The following CSMD1 variants were observed in gnomAD, a reference collection of about 807,000 sequenced individuals.
CSMD1 encodes the protein CUB and sushi domain-containing protein 1.
A neutral mutation model predicts 417.5 loss-of-function variants in CSMD1; 213 were observed. The ratio of observed to expected loss-of-function variants is 0.51; its 90% confidence interval spans 0.46 to 0.57. The LOEUF is 0.57. CSMD1 is among the 20% of genes least tolerant of loss of function. The probability of loss-of-function intolerance (pLI) is 0.00; values close to 1 mark genes in which losing one functional copy is unlikely to be tolerated. For missense variants in CSMD1, 6,923 were observed against 4,529.7 expected (o/e 1.53, Z -15.17); for synonymous variants, 2,862 against 1,736.8 (o/e 1.65, Z -16.11).
In CSMD1 at chr8:3,408,086, A is replaced by G. The variant is rs1812462694; in HGVS notation, c.1884T>C (p.Asp628=). 6.2e-7 allele frequency: 1 copy of G among 1,613,984 alleles called. No individual in the cohort carries two copies. The highest frequency in any genetic ancestry group is 1.7e-5 in the Admixed American group (1 of 60,008). ...PGSRIHLIFN[D]FDVEPQFDFL... is the part of the protein sequence containing the mutation. ...AGTCAAACTGAGGCTCAACATCAAA[A>G]TCATTAAAGATTAGGTGAATTCGAC... The change falls in exon 14 of 70, where the codon GAT becomes GAC. Residue 628 remains aspartate (D), a synonymous_variant. Coordinates refer to ENST00000635120, the MANE Select transcript of CSMD1 (RefSeq NM_033225.6).
chr8:3,085,006 A>T (rs2129005188), intron 49 of CSMD1, among the ~76,000 whole-genome samples: 1 of 152,214 alleles, frequency 6.6e-6, no homozygotes, highest in South Asian at 2.1e-4. Flanking sequence ...TGACTAAAAG[A>T]AGTCTTGCAC....
At chr8:4,955,937 A>C (rs11782341) in intron 1 of CSMD1, among the ~76,000 whole-genome samples, 1 of 152,048 alleles carries the variant, frequency 6.6e-6, no homozygotes, top group African/African-American at 2.4e-5. Flanking sequence ...GGCGATTCAG[A>C]TGAATGGCTG....
intron 3 of CSMD1, among the ~76,000 whole-genome samples, chr8:4,159,915 A>G (rs534272471): frequency 6.6e-6 from 1 of 152,112 alleles, no homozygotes; most frequent in Non-Finnish European, 1.5e-5. Context: ...TAAGAATGAT[A>G]TAAAAAACTT....
At chr8:3,919,977 C>A (rs775529514) in intron 5 of CSMD1, among the ~76,000 whole-genome samples, 5 of 151,528 alleles carry the variant, frequency 3.3e-5, no homozygotes, top group Non-Finnish European at 5.9e-5. Context: ...AGTGTGTAAT[C>A]TGTGAATATA....
chr8:4,848,281 T>C (rs1328283046), intron 1 of CSMD1, among the ~76,000 whole-genome samples: 2 of 152,224 alleles, frequency 1.3e-5, no homozygotes, highest in African/African-American at 4.8e-5. Flanking sequence ...GACATAAACA[T>C]TGTTGTACCA....
At position 4,527,108 on chromosome 8, in the gene CSMD1, A is replaced by T. The variant is rs190610399; in HGVS notation, c.303-107043T>A. ...TTTTCAGAAGCTTCGGAGGATTCTA[A>T]CTTGCTTTTACTTAAGATATTTTTC... is the stretch of plus-strand genomic sequence containing the variant. On this transcript the variant is annotated intron_variant, in intron 2 of 69. Coordinates refer to ENST00000635120, the MANE Select transcript of CSMD1 (RefSeq NM_033225.6). Among the ~76,000 whole-genome samples the T allele has an allele frequency of 1.7e-3, 264 of 152,300 alleles. 9 individuals are homozygous for T. The highest frequency in any genetic ancestry group is 2.1e-3 in the Non-Finnish European group (145 of 68,028).
In CSMD1 at chr8:4,010,460, C is replaced by T. The variant is rs556001460; in HGVS notation, c.611-12350G>A. 1.1e-3 allele frequency among the ~76,000 whole-genome samples: 162 copies of T among 152,242 alleles called. 1 individual carries two copies. Among genetic ancestry groups the T allele is most frequent in the African/African-American group, 3.7e-3 (152 of 41,532 alleles). On this transcript the variant is annotated intron_variant, in intron 4 of 69. Transcript: ENST00000635120. ...ACAGGTAATCCTGGGAAAAACATAACCTCTTTGATTAATTCTCCCCTCTCT... is the reference window on the plus strand; with the variant it reads ...ACAGGTAATCCTGGGAAAAACATAATCTCTTTGATTAATTCTCCCCTCTCT...
chr8:4,501,908 T>C (rs1802277098), intron 2 of CSMD1, among the ~76,000 whole-genome samples: 1 of 152,284 alleles, frequency 6.6e-6, no homozygotes. Flanking sequence ...ATGAGGAATC[T>C]ACTGGGGGTT....
At chr8:4,545,774 CA>C (rs1273293097) in intron 2 of CSMD1, among the ~76,000 whole-genome samples, 1 of 152,196 alleles carries the variant, frequency 6.6e-6, no homozygotes, top group Non-Finnish European at 1.5e-5. Flanking sequence ...TACCTGGAAT[CA>C]TGCACCATGT....
At chr8:3,031,579 T>A (rs1339851795) in intron 50 of CSMD1, among the ~76,000 whole-genome samples, 1 of 152,078 alleles carries the variant, frequency 6.6e-6, no homozygotes, top group East Asian at 1.9e-4. Context: ...CCTTGTTGTT[T>A]TATACAGACT....
At chr8:3,581,868 G>A (rs193094341) in intron 9 of CSMD1, among the ~76,000 whole-genome samples, 33 of 152,144 alleles carry the variant, frequency 2.2e-4, no homozygotes, top group Non-Finnish European at 1.5e-4. Flanking sequence ...ATAGTGGCAC[G>A]ATCTCTGCTT....
At chr8:3,056,525 C>T (rs145083018) in intron 49 of CSMD1, among the ~76,000 whole-genome samples, 10 of 152,136 alleles carry the variant, frequency 6.6e-5, no homozygotes, top group South Asian at 2.1e-4. Context: ...CAGGCCACCA[C>T]GCCTGGCTAT....
intron 18 of CSMD1, 21 bp from the exon 19 acceptor site, chr8:3,369,391 T>A (rs753338880): frequency 3.3e-6 from 4 of 1,196,958 alleles, no homozygotes; most frequent in Middle Eastern, 1.9e-4. Flanking sequence ...TAAAGAGAGA[T>A]GATTACAGCA....
At chr8:3,422,088 T>C (rs1813527516) in intron 12 of CSMD1, among the ~76,000 whole-genome samples, 1 of 151,172 alleles carries the variant, frequency 6.6e-6, no homozygotes, top group South Asian at 2.1e-4. Context: ...TCTACACCTA[T>C]CTACCCTTCC....
intron 11 of CSMD1, among the ~76,000 whole-genome samples, chr8:3,483,866 T>C (rs1056931154): frequency 6.6e-5 from 10 of 152,230 alleles, no homozygotes; most frequent in African/African-American, 2.2e-4. Flanking sequence ...TCATCCACCA[T>C]TAGAAGAGGC....
rs552688689 is a variant in CSMD1, at chr8:3,394,308, TA to T, written c.2593+1885del. ...TAATAAAATATTATTATTATAATAT[TA>T]GTGAGGATGACAAGCTAAATAGAAA... On this transcript the variant is annotated intron_variant, in intron 17 of 69. Coordinates refer to ENST00000635120, the MANE Select transcript of CSMD1 (RefSeq NM_033225.6). Among the ~76,000 whole-genome samples the T allele has an allele frequency of 5.8e-4, 86 of 149,036 alleles. No individual in the cohort carries two copies. The Middle Eastern group carries it at 0.029, about 50-fold the overall frequency.
chr8:4,308,450 G>C (rs142949855), intron 3 of CSMD1, among the ~76,000 whole-genome samples: 2 of 152,068 alleles, frequency 1.3e-5, no homozygotes, highest in African/African-American at 4.8e-5. Flanking sequence ...AAAAGGTTTA[G>C]AAAAGGATGT....
At chr8:4,329,185 A>T (rs1031892308) in intron 3 of CSMD1, among the ~76,000 whole-genome samples, 1 of 152,236 alleles carries the variant, frequency 6.6e-6, no homozygotes, top group Non-Finnish European at 1.5e-5. Context: ...ATGGAGAATA[A>T]CAAGTATAGA....
chr8:3,558,379 A>G (rs10094462), intron 10 of CSMD1, among the ~76,000 whole-genome samples: 35,798 of 92,112 alleles, frequency 0.39, 4,446 homozygotes, highest in East Asian at 0.53. Flanking sequence ...GTGCCTCAGT[A>G]GTACCCCGTG....
Sources: gnomAD v4.1 joint callset for allele counts (sites outside exome capture counted in the v4.1 genomes callset) on GRCh38, gnomAD v4.1.1 for gene constraint, MANE v1.5 for transcripts, NCBI Gene and HGNC (gene_info 2026-07-23, HGNC 2026-07-21) for gene names.